The following APAF1 variants were observed in gnomAD, a reference collection of about 807,000 sequenced individuals.
APAF1 encodes apoptotic protease-activating factor 1.
APAF1 carries 91 observed loss-of-function variants against 152.4 expected under a neutral mutation model. That is an observed-to-expected ratio of 0.60 (90% confidence interval 0.50 to 0.71). The LOEUF is 0.71. Among genes scored for constraint, APAF1 ranks in the 30% least tolerant of loss-of-function variants. The probability of loss-of-function intolerance (pLI) is 0.00; values close to 1 mark genes in which losing one functional copy is unlikely to be tolerated. For missense variants in APAF1, 1,283 were observed against 1,472.0 expected (o/e 0.87, Z 2.10); for synonymous variants, 484 against 494.1 (o/e 0.98, Z 0.27).
chr12:98,723,102 A>G, intron 22 of APAF1, 91 bp from the exon 23 acceptor site: 1 of 1,362,390 alleles, frequency 7.3e-7, no homozygotes, highest in South Asian at 1.2e-5. Flanking sequence ...TGAGTAAAAG[A>G]CTTTAGACAA....
chr12:98,662,246 G>A (rs1299281744), intron 5 of APAF1, among the ~76,000 whole-genome samples: 1 of 150,238 alleles, frequency 6.7e-6, no homozygotes, highest in African/African-American at 2.4e-5. Flanking sequence ...TTGAGGAGAA[G>A]GCAGTCTCTA....
intron 4 of APAF1, among the ~76,000 whole-genome samples, chr12:98,651,573 G>C (rs906821130): frequency 6.6e-6 from 1 of 152,214 alleles, no homozygotes; most frequent in Non-Finnish European, 1.5e-5. Flanking sequence ...ACTCTCTGCT[G>C]CTGCAGCAAA....
intron 10 of APAF1, among the ~76,000 whole-genome samples, chr12:98,670,599 T>C (rs2097678965): frequency 6.6e-6 from 1 of 152,042 alleles, no homozygotes; most frequent in South Asian, 2.1e-4. Flanking sequence ...ATTTGAATTT[T>C]TATGTAGTTA....
intron 21 of APAF1, 51 bp from the exon 22 acceptor site, chr12:98,715,376 C>G: frequency 6.3e-7 from 1 of 1,582,702 alleles, no homozygotes; most frequent in South Asian, 1.1e-5. Context: ...GGTGTAATGC[C>G]TATGTATTGC....
intron 5 of APAF1, 109 bp from the exon 6 acceptor site, chr12:98,662,347 T>A (rs10745833): frequency 0.54 from 428,643 of 794,678 alleles, 116,989 homozygotes; most frequent in Admixed American, 0.6. Context: ...CTATTTGTTT[T>A]AAAAAAAATT....
intron 18 of APAF1, among the ~76,000 whole-genome samples, chr12:98,706,279 G>A (rs1476781609): frequency 1.3e-5 from 2 of 152,094 alleles, no homozygotes; most frequent in Non-Finnish European, 2.9e-5. Context: ...CTATTGATGA[G>A]TATTTAGTTT....
intron 14 of APAF1, 79 bp downstream of exon 14, chr12:98,680,481 G>A: frequency 2.1e-6 from 3 of 1,440,990 alleles, no homozygotes; most frequent in Middle Eastern, 1.8e-4. Flanking sequence ...ACCAGAGTAA[G>A]TAGAGTTAAA....
intron 16 of APAF1, among the ~76,000 whole-genome samples, chr12:98,694,076 T>C (rs774943331): frequency 6.6e-6 from 1 of 152,162 alleles, no homozygotes; most frequent in Non-Finnish European, 1.5e-5. Flanking sequence ...GCTAGCCATA[T>C]GCAGAAGAAT....
intron 25 of APAF1, 98 bp from the exon 26 acceptor site, chr12:98,727,075 A>G: frequency 8.7e-7 from 1 of 1,149,604 alleles, no homozygotes; most frequent in Non-Finnish European, 1.3e-6. Flanking sequence ...GTCTAGTAAA[A>G]TAATTTTAGA....
chr12:98,677,430 A>C lies in APAF1; in HGVS notation c.1799A>C (p.Lys600Thr). ...NGMLYLEWIN[K>T]KNITNLSRLV... ...CATTTTTTCCCTGTATTTAGAAACA[A>C]AAAAAACATCACGAATCTTTCCCGC... The change falls in exon 13 of 27, where the codon AAA becomes ACA. Residue 600 changes from lysine to threonine, a missense_variant. Coordinates refer to ENST00000551964, the MANE Select transcript of APAF1 (RefSeq NM_181861.2). The C allele has an allele frequency of 3.7e-6, 6 of 1,614,110 alleles. No homozygotes were observed. Among genetic ancestry groups the C allele is most frequent in the Non-Finnish European group, 5.1e-6 (6 of 1,180,002 alleles).
intron 16 of APAF1, among the ~76,000 whole-genome samples, chr12:98,688,897 C>T (rs1426427676): frequency 6.6e-6 from 1 of 151,824 alleles, no homozygotes; most frequent in Non-Finnish European, 1.5e-5. Flanking sequence ...CCACCACAGT[C>T]TATCTCCTGG....
intron 16 of APAF1, among the ~76,000 whole-genome samples, chr12:98,695,255 G>C (rs1219193382): frequency 6.6e-6 from 1 of 151,950 alleles, no homozygotes; most frequent in Non-Finnish European, 1.5e-5. Flanking sequence ...ATTTCACCAT[G>C]TTGGCCAGGC....
At position 98,648,435 on chromosome 12, in the gene APAF1, A is replaced by G. The variant is rs753165073; in HGVS notation, c.76A>G (p.Met26Val). 1.6e-5 allele frequency: 26 copies of G among 1,613,932 alleles called. No homozygotes were observed. The highest frequency in any genetic ancestry group is 1.9e-5 in the Non-Finnish European group (23 of 1,179,932). The stretch of plus-strand genomic sequence containing the variant: ...AAAGGACATCAAGACATCCTACATC[A>G]TGGATCACATGATTAGTGATGGATT... Reference protein sequence around the residue: ...LEKDIKTSYIMDHMISDGFLT... With the variant: ...LEKDIKTSYIVDHMISDGFLT... Residue 26 changes from methionine (M) to valine (V), a missense_variant, in exon 2 of 27, where the codon ATG becomes GTG. Physicochemically the swap from Met to Val is conservative, Grantham distance 21. Transcript: ENST00000551964.
chr12:98,690,819 T>C (rs1214594443), intron 16 of APAF1, among the ~76,000 whole-genome samples: 1 of 152,174 alleles, frequency 6.6e-6, no homozygotes, highest in Non-Finnish European at 1.5e-5. Context: ...ATTCAAAGGA[T>C]TAAAACCATC....
At chr12:98,665,274 ATATAT>A (rs200715583) in intron 7 of APAF1, among the ~76,000 whole-genome samples, 5,207 of 107,328 alleles carry the variant, frequency 0.049, 169 homozygotes, top group East Asian at 0.2. Flanking sequence ...ATATATATAT[ATATAT>A]TTTTTTTTTT....
intron 15 of APAF1, among the ~76,000 whole-genome samples, chr12:98,686,515 C>A (rs1383582294): frequency 2.0e-5 from 3 of 152,156 alleles, no homozygotes; most frequent in African/African-American, 4.8e-5. Flanking sequence ...AGCCTAAAAA[C>A]CTCGGTGAGC....
In APAF1 at chr12:98,662,799, ATG is replaced by A. The variant is rs775597203; in HGVS notation, c.950_951del (p.Cys317Ter). 6.8e-6 allele frequency: 11 copies of A among 1,608,616 alleles called. No individual in the cohort carries two copies. Among genetic ancestry groups the A allele is most frequent in the Non-Finnish European group, 8.5e-6 (10 of 1,176,940 alleles). Reference protein sequence around the residue: ...PEQAHSIIKECKGSPLVVSLI... With the variant: ...PEQAHSIIKEXKGSPLVVSLI... ...AACAAGCTCATAGTATTATAAAAGA[ATG>A]TAAAGGTATGGTTATTTATTTGTTT... On this transcript the variant is annotated frameshift_variant, in exon 7 of 27. Coordinates refer to ENST00000551964, the MANE Select transcript of APAF1 (RefSeq NM_181861.2). LOFTEE classifies it high-confidence loss of function.
Position 98,683,279 on chromosome 12 carries a change from G to A in APAF1, c.2178+5G>A. 1 of 1,613,648 alleles carries A rather than the reference G, an allele frequency of 6.2e-7. No homozygotes were observed. Among genetic ancestry groups the A allele is most frequent in the Non-Finnish European group, 8.5e-7 (1 of 1,179,860 alleles). On this transcript the variant is annotated splice_donor_5th_base_variant and intron_variant, in intron 15 of 26. Coordinates refer to ENST00000551964, the MANE Select transcript of APAF1 (RefSeq NM_181861.2). Reference sequence around the variant, plus strand: ...TCAAGTGACTGCTTCCTCAAAGTAAGTGTGGATATTGAGAATTAGGTAGAT... The same window carrying A: ...TCAAGTGACTGCTTCCTCAAAGTAAATGTGGATATTGAGAATTAGGTAGAT...
Position 98,652,199 on chromosome 12 carries a change from C to G in APAF1, c.526+2515C>G, listed in dbSNP as rs141494029. 2.6e-5 allele frequency among the ~76,000 whole-genome samples: 4 copies of G among 152,222 alleles called. No individual in the cohort carries two copies. The East Asian group carries it at 5.8e-4, about 22-fold the overall frequency. On this transcript the variant is annotated intron_variant, in intron 4 of 26. Coordinates refer to ENST00000551964, the MANE Select transcript of APAF1 (RefSeq NM_181861.2). ...AACTCCTGGGCTCAAGTGATGCTCC[C>G]GCCTTGGCCTCCCAAAGTGCTGGGG...
Sources: gnomAD v4.1 joint callset for allele counts (sites outside exome capture counted in the v4.1 genomes callset) on GRCh38, gnomAD v4.1.1 for gene constraint, MANE v1.5 for transcripts, NCBI Gene and HGNC (gene_info 2026-07-23, HGNC 2026-07-21) for gene names.